The following PTPRT variants were observed in gnomAD, a reference collection of about 807,000 sequenced individuals.
The protein encoded by PTPRT is protein tyrosine phosphatase receptor type T.
Under a neutral mutation model 176.8 loss-of-function variants are expected in PTPRT, and 56 were observed. That is an observed-to-expected ratio of 0.32 (90% confidence interval 0.26 to 0.40). The LOEUF (loss-of-function observed/expected upper bound fraction) is 0.40. PTPRT is among the 10% of genes least tolerant of loss of function. The pLI is 1.00. For missense variants in PTPRT, 1,540 were observed against 1,908.2 expected (o/e 0.81, Z 3.60); for synonymous variants, 783 against 739.0 (o/e 1.06, Z -0.96).
At chr20:42,380,281 C>A (rs1036549500) in intron 9 of PTPRT, among the ~76,000 whole-genome samples, 21 of 152,208 alleles carry the variant, frequency 1.4e-4, no homozygotes, top group African/African-American at 5.1e-4. Context: ...TCTCCATGTG[C>A]TGGAGCACTG....
chr20:42,414,063 C>T (rs1222307725), intron 9 of PTPRT, among the ~76,000 whole-genome samples: 1 of 152,138 alleles, frequency 6.6e-6, no homozygotes, highest in Non-Finnish European at 1.5e-5. Context: ...AACTCCTAAC[C>T]TCAGGTGATC....
At chr20:42,633,785 A>C (rs2074466817) in intron 7 of PTPRT, among the ~76,000 whole-genome samples, 1 of 4,872 alleles carries the variant, frequency 2.1e-4, no homozygotes, top group Non-Finnish European at 5.0e-4. Context: ...GACTCTGAAA[A>C]TATATATATA....
intron 1 of PTPRT, among the ~76,000 whole-genome samples, chr20:43,048,051 G>A (rs1430192596): frequency 2.6e-5 from 4 of 152,114 alleles, no homozygotes; most frequent in African/African-American, 4.8e-5. Flanking sequence ...TGGATCATTT[G>A]GAAAAGCCAT....
At chr20:42,162,120 C>T (rs899551815) in intron 16 of PTPRT, among the ~76,000 whole-genome samples, 3 of 152,166 alleles carry the variant, frequency 2.0e-5, no homozygotes, top group African/African-American at 7.2e-5. Flanking sequence ...CCCTGACCCT[C>T]CCAGCTGCTC....
chr20:42,573,976 C>T (rs902257877), intron 7 of PTPRT, among the ~76,000 whole-genome samples: 18 of 152,074 alleles, frequency 1.2e-4, no homozygotes, highest in African/African-American at 4.3e-4. Flanking sequence ...TCTTGAACTA[C>T]TGACCTCGTG....
chr20:42,510,280 G>A (rs1016291922), intron 7 of PTPRT, among the ~76,000 whole-genome samples: 1 of 152,012 alleles, frequency 6.6e-6, no homozygotes, highest in African/African-American at 2.4e-5. Flanking sequence ...AGCAGTCCCA[G>A]CAAATTTGCA....
At chr20:42,118,329 A>T (rs1217762881) in intron 21 of PTPRT, 74 bp downstream of exon 21, 2 of 1,351,802 alleles carry the variant, frequency 1.5e-6, no homozygotes, top group Non-Finnish European at 1.0e-6. Flanking sequence ...ACTTAGCACG[A>T]TGCATGGAAC....
At chr20:42,493,199 G>A (rs977727933) in intron 7 of PTPRT, among the ~76,000 whole-genome samples, 9 of 152,164 alleles carry the variant, frequency 5.9e-5, no homozygotes, top group Non-Finnish European at 1.2e-4. Context: ...TACAGATGAG[G>A]AATCCAAGAG....
intron 7 of PTPRT, among the ~76,000 whole-genome samples, chr20:42,515,583 C>T (rs1036715440): frequency 6.6e-6 from 1 of 152,126 alleles, no homozygotes; most frequent in African/African-American, 2.4e-5. Context: ...CTGTTTGCAG[C>T]TGGGGTACAG....
chr20:42,657,632 T>C (rs2075149195), intron 7 of PTPRT, among the ~76,000 whole-genome samples: 2 of 152,200 alleles, frequency 1.3e-5, no homozygotes, highest in Admixed American at 1.3e-4. Context: ...TTCCTTGTTA[T>C]CAGATTCTGA....
At chr20:43,182,834 C>CA (rs10622472) in intron 1 of PTPRT, among the ~76,000 whole-genome samples, 91 of 150,864 alleles carry the variant, frequency 6.0e-4, no homozygotes, top group Non-Finnish European at 1.0e-3. Flanking sequence ...ACCAAAGGCG[C>CA]AAAAAAAACA....
rs373558651 is a variant in PTPRT at position 42,119,923 on chromosome 20, G to T, written c.2884+12C>A. The T allele has an allele frequency of 1.3e-4, 210 of 1,607,096 alleles. No homozygotes were observed. In the East Asian group the frequency reaches 3.4e-3, roughly 26 times the overall value. On this transcript the variant is annotated intron_variant, in intron 20 of 30. Transcript: ENST00000373187. ...GCCTCTCTGAGGCACTAGGTGGAGG[G>T]AGGGCACTTACCTTGAGTCGCAATG...
chr20:42,428,857 A>T (rs1017268991), intron 9 of PTPRT, among the ~76,000 whole-genome samples: 1 of 152,130 alleles, frequency 6.6e-6, no homozygotes, highest in African/African-American at 2.4e-5. Flanking sequence ...CATGTAGACT[A>T]CATGGTTTCC....
chr20:42,284,374 T>C (rs1174756005), intron 12 of PTPRT, among the ~76,000 whole-genome samples: 1 of 151,926 alleles, frequency 6.6e-6, no homozygotes, highest in Non-Finnish European at 1.5e-5. Flanking sequence ...AAGTACAGAG[T>C]CATATTTACC....
chr20:43,188,091 C>T (rs2015440915), intron 1 of PTPRT, among the ~76,000 whole-genome samples: 1 of 152,090 alleles, frequency 6.6e-6, no homozygotes, highest in Non-Finnish European at 1.5e-5. Context: ...TGTGGTTGGC[C>T]GGTCATGCCT....
intron 19 of PTPRT, among the ~76,000 whole-genome samples, chr20:42,124,025 T>C (rs1373986908): frequency 1.3e-5 from 2 of 152,202 alleles, no homozygotes; most frequent in African/African-American, 4.8e-5. Flanking sequence ...ATTGACTGAA[T>C]GTACGCATGC....
intron 13 of PTPRT, among the ~76,000 whole-genome samples, chr20:42,281,143 ATGG>A (rs1568735749): frequency 6.6e-6 from 1 of 151,998 alleles, no homozygotes; most frequent in African/African-American, 2.4e-5. Context: ...TACCCAATTG[ATGG>A]TGTTCTTCCT....
intron 1 of PTPRT, among the ~76,000 whole-genome samples, chr20:42,940,285 C>T (rs964461807): frequency 6.6e-6 from 1 of 152,272 alleles, no homozygotes. Context: ...GGACCTGAGG[C>T]ATTATGCCAG....
chr20:42,236,278 C>T lies in PTPRT; in HGVS notation c.2313-20G>A. On this transcript the variant is annotated intron_variant, in intron 14 of 30. Transcript: ENST00000373187. ...TTTCTTCTATATATTGATGGGCAGT[C>T]AGATGAAGGAAATGTCCAAAATGGG... The T allele has an allele frequency of 6.4e-7, 1 of 1,573,526 alleles. No individual in the cohort carries two copies. Among genetic ancestry groups the T allele is most frequent in the Non-Finnish European group, 8.7e-7 (1 of 1,146,442 alleles).
Sources: allele counts gnomAD v4.1 joint callset (sites outside exome capture counted in the v4.1 genomes callset), GRCh38; gene constraint gnomAD v4.1.1; transcripts MANE v1.5; gene names NCBI Gene and HGNC (gene_info 2026-07-23, HGNC 2026-07-21).